WIPF1: variants seen among roughly 807,000 people sequenced by gnomAD.
The protein encoded by WIPF1 is WAS/WASL-interacting protein family member 1.
In WIPF1, 13 loss-of-function variants were observed where a neutral mutation model predicts 35.4. That is an observed-to-expected ratio of 0.37 (90% CI 0.24 to 0.58). The LOEUF (loss-of-function observed/expected upper bound fraction) is 0.58, where lower values mean the gene tolerates loss of function less well. Ranked by LOEUF, WIPF1 falls within the 20% of genes least tolerant of loss-of-function variation. WIPF1 has a pLI of 0.74. For synonymous variants in WIPF1, 267 were observed against 266.3 expected, an observed-to-expected ratio of 1.00 and a Z score of -0.02; for missense variants, 591 against 667.0, an observed-to-expected ratio of 0.89 and a Z score of 1.25.
At position 174,575,456 on chromosome 2, in the gene WIPF1, G is replaced by A. The variant is rs535139644; in HGVS notation, c.182-76C>T. 2.0e-6 allele frequency: 3 copies of A among 1,477,668 alleles called. No individual in the cohort carries two copies. In the East Asian group the frequency reaches 7.2e-5, roughly 35 times the overall value. The allele number at this position is 1,477,668 out of a possible 1,614,324, so 91.5% of individuals were successfully genotyped here. A position where few individuals can be genotyped will look rare whatever the true frequency, so the allele number is the denominator to read the frequency against. ...TAAACCATAAAACAACAGTACAACAGGGAGCTGGCCGGCTCTCGGCCTCCA... is the reference window on the plus strand; with the variant it reads ...TAAACCATAAAACAACAGTACAACAAGGAGCTGGCCGGCTCTCGGCCTCCA... On this transcript the variant is annotated intron_variant, in intron 3 of 7. Coordinates refer to ENST00000679041, the MANE Select transcript of WIPF1 (RefSeq NM_001375834.1).
intron 1 of WIPF1, among the ~76,000 whole-genome samples, chr2:174,647,160 C>T (rs995379340): frequency 2.0e-5 from 3 of 151,900 alleles, no homozygotes; most frequent in African/African-American, 7.3e-5. Flanking sequence ...TTGCTTTAAA[C>T]CAGGAGTTCA....
intron 1 of WIPF1, chr2:174,587,520 C>A (rs997560877): frequency 2.0e-5 from 3 of 152,090 alleles, no homozygotes; most frequent in Non-Finnish European, 2.9e-5. Flanking sequence ...TTGTCACAGC[C>A]GCCGGGAAAC....
chr2:174,669,057 A>T (rs1366230089), intron 1 of WIPF1, among the ~76,000 whole-genome samples: 5 of 152,242 alleles, frequency 3.3e-5, no homozygotes, highest in Non-Finnish European at 7.3e-5. Flanking sequence ...CAGAGCATTT[A>T]GAATTTTACC....
At chr2:174,599,000 G>T (rs1685908908), upstream of WIPF1, among the ~76,000 whole-genome samples, 1 of 152,164 alleles carries the variant, frequency 6.6e-6, no homozygotes, top group Non-Finnish European at 1.5e-5. Context: ...AACAGTCAAA[G>T]AATTTAAAAG....
intron 1 of WIPF1, among the ~76,000 whole-genome samples, chr2:174,649,177 T>A (rs756070973): frequency 6.6e-6 from 1 of 152,174 alleles, no homozygotes; most frequent in Non-Finnish European, 1.5e-5. Flanking sequence ...TAGGGGTGAT[T>A]CCAGCCTTTA....
chr2:174,594,954 C>T (rs1047433245), intron 1 of WIPF1, among the ~76,000 whole-genome samples: 3 of 150,632 alleles, frequency 2.0e-5, no homozygotes, highest in Non-Finnish European at 4.4e-5. Flanking sequence ...AAAAGCACCT[C>T]AAGAAATCAT....
rs1184128248 is a variant in WIPF1, at chr2:174,571,801, G to C, written c.1004C>G (p.Pro335Arg). Residue 335 changes from proline to arginine, a missense_variant, in exon 5 of 8, where the codon CCA (proline) becomes CGA (arginine). By Grantham distance (103) the Pro-to-Arg change is moderately radical. Around this residue, in one of 3 missense-constraint regions of WIPF1, gnomAD observed 471 missense variants for 501.1 expected, o/e 0.94. Transcript: ENST00000679041. The surrounding 1 kb of genome is among the most constrained non-coding windows in gnomAD (Gnocchi z 4.6). ...CGAACTGAGGGACAGATTCCGCTGT[G>C]GGAGTCTTGGGGTTTCGTCATTGCC... is the stretch of plus-strand genomic sequence containing the variant. ...SSGNDETPRL[P>R]QRNLSLSSST... 1 of 1,614,118 alleles carries C rather than the reference G, an allele frequency of 6.2e-7. No homozygotes were observed. Among genetic ancestry groups the C allele is most frequent in the African/African-American group, 1.3e-5 (1 of 74,944 alleles).
chr2:174,596,124 A>G (rs749286008), intron 1 of WIPF1, among the ~76,000 whole-genome samples: 3 of 152,184 alleles, frequency 2.0e-5, no homozygotes, highest in Non-Finnish European at 4.4e-5. Flanking sequence ...ACTAATTTTC[A>G]CCACAGGGAG....
At chr2:174,666,371 C>T (rs1687891295) in intron 1 of WIPF1, among the ~76,000 whole-genome samples, 2 of 152,210 alleles carry the variant, frequency 1.3e-5, no homozygotes, top group African/African-American at 4.8e-5. Context: ...TTGCCTATGG[C>T]CTCCAAATTA....
At chr2:174,566,804 CA>C (rs1217599528) in intron 7 of WIPF1, 6 of 352,278 alleles carry the variant, frequency 1.7e-5, no homozygotes, top group Non-Finnish European at 3.1e-5. Flanking sequence ...GGAAGACGTC[CA>C]AAGAAGTAAA....
chr2:174,581,233 A>C, intron 3 of WIPF1, 77 bp downstream of exon 3: 1 of 1,532,062 alleles, frequency 6.5e-7, no homozygotes, highest in Non-Finnish European at 8.8e-7. Flanking sequence ...TAAAATAAAA[A>C]TTGAGTGGTG....
intron 1 of WIPF1, among the ~76,000 whole-genome samples, chr2:174,628,924 C>G (rs763909174): frequency 1.3e-5 from 2 of 152,210 alleles, no homozygotes; most frequent in African/African-American, 2.4e-5. Flanking sequence ...ATGATGACAA[C>G]AGCATCTTTC....
Position 174,635,525 on chromosome 2 carries a change from G to GTTTT in WIPF1, c.-39+47248_-39+47249insAAAA, listed in dbSNP as rs1179795195. Among the ~76,000 whole-genome samples, 122 of 126,124 alleles carry GTTTT rather than the reference G, an allele frequency of 9.7e-4. 2 individuals are homozygous for GTTTT. Among genetic ancestry groups the GTTTT allele is most frequent in the African/African-American group, 2.5e-3 (79 of 31,796 alleles). 82.7% of individuals were successfully genotyped at this position (126,124 alleles called of 152,430 possible). A position where few individuals can be genotyped will look rare whatever the true frequency, so the allele number is the denominator to read the frequency against. The stretch of plus-strand genomic sequence containing the variant: ...CTTGTTCTACTCACTGGTGCCTTCT[G>GTTTT]TTTGTTTTTTTTTTTTTTTTTTTTT... On this transcript the variant is annotated intron_variant, in intron 1 of 8. Transcript: ENST00000272746.
At chr2:174,579,178 C>T (rs763033688) in intron 3 of WIPF1, among the ~76,000 whole-genome samples, 7 of 152,070 alleles carry the variant, frequency 4.6e-5, no homozygotes, top group South Asian at 2.1e-4. Flanking sequence ...CCACCACACC[C>T]GGCTAATTTT....
At chr2:174,653,888 TC>T (rs1687590137) in intron 1 of WIPF1, among the ~76,000 whole-genome samples, 1 of 151,912 alleles carries the variant, frequency 6.6e-6, no homozygotes, top group Non-Finnish European at 1.5e-5. Flanking sequence ...CATAAAACCA[TC>T]CATCAGCAAG....
At chr2:174,655,916 T>C (rs1390834558) in intron 1 of WIPF1, 3 of 152,290 alleles carry the variant, frequency 2.0e-5, no homozygotes, top group Non-Finnish European at 2.9e-5. Flanking sequence ...ATCTATTCCA[T>C]TGGTGGCCTC....
chr2:174,601,869 G>A (rs906904216), upstream of WIPF1, among the ~76,000 whole-genome samples: 25 of 152,212 alleles, frequency 1.6e-4, no homozygotes, highest in African/African-American at 5.8e-4. Context: ...CAAAGCCTGG[G>A]CTCCACTCCA....
chr2:174,664,321 G>A (rs534164477), intron 1 of WIPF1, among the ~76,000 whole-genome samples: 17 of 152,334 alleles, frequency 1.1e-4, no homozygotes, highest in African/African-American at 3.8e-4. Context: ...ACTGGGACCT[G>A]TGCCAGGGTC....
intron 6 of WIPF1, 35 bp from the exon 7 acceptor site, chr2:174,567,218 G>A (rs1372974520): frequency 1.9e-6 from 3 of 1,578,260 alleles, no homozygotes; most frequent in Admixed American, 1.7e-5. Flanking sequence ...TTCAGTGACA[G>A]ACAATGTGCT....
Sources: gnomAD v4.1 joint callset for allele counts (sites outside exome capture counted in the v4.1 genomes callset) on GRCh38, gnomAD v4.1.1 for gene constraint, gnomAD v4.1.1 regional missense constraint, Gnocchi (gnomAD v3.1) non-coding constraint, MANE v1.5 for transcripts, NCBI Gene and HGNC (gene_info 2026-07-23, HGNC 2026-07-21) for gene names.